ZNF385D: variants seen among roughly 807,000 people sequenced by gnomAD.
ZNF385D encodes zinc finger protein 385D.
In ZNF385D, 15 loss-of-function variants were observed where a neutral mutation model predicts 35.8. The observed-to-expected ratio is 0.42, with a 90% CI of 0.28 to 0.64. ZNF385D has a LOEUF of 0.64. ZNF385D is among the 30% of genes least tolerant of loss of function. The pLI, the probability that ZNF385D is intolerant of heterozygous loss-of-function variation, is 0.23. For missense variants in ZNF385D, 474 were observed against 494.6 expected (o/e 0.96, Z 0.39); for synonymous variants, 212 against 186.8 (o/e 1.13, Z -1.10).
intron 3 of ZNF385D, among the ~76,000 whole-genome samples, chr3:21,820,980 T>G (rs1390962720): frequency 1.3e-5 from 2 of 151,896 alleles, no homozygotes; most frequent in Admixed American, 6.5e-5. Flanking sequence ...CAAAACCGAT[T>G]AAAAAAATTA....
At chr3:22,183,745 CT>C (rs1434652157) in intron 2 of ZNF385D, among the ~76,000 whole-genome samples, 2 of 151,740 alleles carry the variant, frequency 1.3e-5, no homozygotes, top group African/African-American at 4.8e-5. Flanking sequence ...TATAATTGCC[CT>C]TTTGAATGTT....
In ZNF385D at chr3:21,555,062, A is replaced by G. The variant is rs182815672; in HGVS notation, c.276+9512T>C. On this transcript the variant is annotated intron_variant, in intron 3 of 7. Coordinates refer to ENST00000281523, the MANE Select transcript of ZNF385D (RefSeq NM_024697.3). ...CAAGAACTTTTATTTTACAGTCACA[A>G]CTTAGCTAACCGCTTGGCACAAGAG... Among the ~76,000 whole-genome samples the G allele has an allele frequency of 8.5e-5, 13 of 152,284 alleles. No homozygotes were observed. The East Asian group carries it at 2.5e-3, about 29-fold the overall frequency.
At chr3:21,898,195 A>C (rs1160741381) in intron 3 of ZNF385D, among the ~76,000 whole-genome samples, 1 of 152,190 alleles carries the variant, frequency 6.6e-6, no homozygotes, top group Admixed American at 6.6e-5. Context: ...ATAAGGAGAT[A>C]AAATTACATT....
In ZNF385D at chr3:22,295,537, C is replaced by A. The variant is rs533958233; in HGVS notation, c.106+76913G>T. On this transcript the variant is annotated intron_variant, in intron 2 of 5. Transcript: ENST00000494108. ...TATGGCTCAAATAATCAGAAAGTCA[C>A]AATGGGACATTCATATATGACAGCA... Among the ~76,000 whole-genome samples the A allele has an allele frequency of 2.6e-5, 4 of 152,196 alleles. No individual in the cohort carries two copies. The South Asian group carries it at 8.3e-4, about 32-fold the overall frequency.
At chr3:21,759,390 C>A (rs2070499062) in intron 3 of ZNF385D, among the ~76,000 whole-genome samples, 1 of 151,588 alleles carries the variant, frequency 6.6e-6, no homozygotes, top group African/African-American at 2.4e-5. Flanking sequence ...GATCTTCAAG[C>A]AATGTAAGGT....
intron 3 of ZNF385D, among the ~76,000 whole-genome samples, chr3:21,821,590 T>C (rs2125735898): frequency 6.6e-6 from 1 of 152,318 alleles, no homozygotes; most frequent in African/African-American, 2.4e-5. Context: ...AAAAATTTAT[T>C]GTACTTATGC....
intron 2 of ZNF385D, among the ~76,000 whole-genome samples, chr3:22,293,960 G>T (rs1009870636): frequency 6.6e-6 from 1 of 151,790 alleles, no homozygotes; most frequent in East Asian, 1.9e-4. Flanking sequence ...CCTATGTTAA[G>T]TTTGGGATCA....
intron 2 of ZNF385D, among the ~76,000 whole-genome samples, chr3:21,565,850 A>AAAG (rs2063126927): frequency 6.6e-6 from 1 of 152,204 alleles, no homozygotes; most frequent in Non-Finnish European, 1.5e-5. Context: ...GATACACTCA[A>AAAG]AAGTGCTCAG....
intron 2 of ZNF385D, among the ~76,000 whole-genome samples, chr3:22,366,957 C>G (rs1696684674): frequency 6.6e-6 from 1 of 152,158 alleles, no homozygotes; most frequent in Admixed American, 6.5e-5. Context: ...AAAAGATTCT[C>G]CCTTAAAGCC....
At chr3:21,469,508 G>A (rs182472718) in intron 4 of ZNF385D, among the ~76,000 whole-genome samples, 111 of 152,194 alleles carry the variant, frequency 7.3e-4, no homozygotes, top group South Asian at 5.4e-3. Context: ...TAGGGAGTGC[G>A]AAAACAAGTG....
chr3:22,234,175 C>T (rs1054920127), intron 2 of ZNF385D, among the ~76,000 whole-genome samples: 1 of 152,232 alleles, frequency 6.6e-6, no homozygotes, highest in South Asian at 2.1e-4. Flanking sequence ...CCATACTCAT[C>T]ATATTCAACT....
At chr3:22,328,281 CAG>C in intron 2 of ZNF385D, among the ~76,000 whole-genome samples, 1 of 152,066 alleles carries the variant, frequency 6.6e-6, no homozygotes, top group East Asian at 1.9e-4. Context: ...TCCCCTTCTA[CAG>C]TGAAAGCTGT....
At chr3:22,129,956 C>A (rs1468952612) in intron 3 of ZNF385D, among the ~76,000 whole-genome samples, 1 of 152,110 alleles carries the variant, frequency 6.6e-6, no homozygotes, top group Non-Finnish European at 1.5e-5. Context: ...TTGGGTCTTT[C>A]CCAAGGCCCA....
At chr3:22,088,543 A>C (rs182676048) in intron 3 of ZNF385D, among the ~76,000 whole-genome samples, 1 of 152,250 alleles carries the variant, frequency 6.6e-6, no homozygotes, top group Admixed American at 6.5e-5. Flanking sequence ...TGAGACTTAA[A>C]AATGCTCTTG....
At chr3:21,445,075 G>A (rs763992001) in intron 4 of ZNF385D, among the ~76,000 whole-genome samples, 5 of 152,206 alleles carry the variant, frequency 3.3e-5, no homozygotes, top group Non-Finnish European at 4.4e-5. Flanking sequence ...GAGGAGATAA[G>A]TAGGATCCCA....
chr3:22,073,905 C>T (rs183763006), intron 3 of ZNF385D, among the ~76,000 whole-genome samples: 9 of 151,926 alleles, frequency 5.9e-5, no homozygotes, highest in Non-Finnish European at 1.2e-4. Flanking sequence ...TGAATAGTTT[C>T]GCATCCTTTA....
chr3:21,496,568 T>C (rs1277286749), intron 4 of ZNF385D, among the ~76,000 whole-genome samples: 2 of 114,610 alleles, frequency 1.7e-5, no homozygotes, highest in Non-Finnish European at 3.8e-5. Flanking sequence ...ATATTTGATA[T>C]ATATATCATA....
intron 3 of ZNF385D, among the ~76,000 whole-genome samples, chr3:21,770,862 G>C (rs1325098881): frequency 6.6e-6 from 1 of 152,046 alleles, no homozygotes; most frequent in Non-Finnish European, 1.5e-5. Flanking sequence ...ATGATAGATT[G>C]GATTAAGAAA....
rs548618401 is a variant in ZNF385D at position 21,813,660 on chromosome 3, T to TA, written c.326-148633dup. ...GAAGAGAAGTTTAGAGAAAAAAGAG[T>TA]AAAAAGAAATGAACAAAGCCTCCAA... is the stretch of plus-strand genomic sequence containing the variant. On this transcript the variant is annotated intron_variant, in intron 3 of 5. Coordinates refer to the ZNF385D transcript ENST00000494108. Among the ~76,000 whole-genome samples the TA allele has an allele frequency of 7.2e-3, 1,081 of 151,088 alleles. 7 individuals are homozygous for TA. Among genetic ancestry groups the TA allele is most frequent in the South Asian group, 0.014 (66 of 4,724 alleles).
Sources: gnomAD v4.1 joint callset for allele counts (sites outside exome capture counted in the v4.1 genomes callset) on GRCh38, gnomAD v4.1.1 for gene constraint, MANE v1.5 for transcripts, NCBI Gene and HGNC (gene_info 2026-07-23, HGNC 2026-07-21) for gene names.